The following MAP7 variants were observed in gnomAD, a reference collection of about 807,000 sequenced individuals.
MAP7 encodes the protein microtubule associated protein 7, also known as ensconsin.
A neutral mutation model predicts 94.8 loss-of-function variants in MAP7; 52 were observed. That is an observed-to-expected ratio of 0.55 (90% CI 0.44 to 0.69). The LOEUF is 0.69. Ranked by LOEUF, MAP7 falls within the 30% of genes least tolerant of loss-of-function variation. MAP7 has a pLI of 0.00. For missense variants in MAP7, 940 were observed against 964.6 expected, an observed-to-expected ratio of 0.97 and a Z score of 0.34; for synonymous variants, 350 against 357.0, an observed-to-expected ratio of 0.98 and a Z score of 0.22.
intron 1 of MAP7, among the ~76,000 whole-genome samples, chr6:136,529,385 G>T (rs1287851094): frequency 6.6e-6 from 1 of 152,062 alleles, no homozygotes; most frequent in African/African-American, 2.4e-5. Context: ...TTCTCAAAGT[G>T]CTGGGATTAA....
In MAP7 at chr6:136,366,368, T is replaced by A. The variant is rs747482627; in HGVS notation, c.948A>T (p.Pro316=). The A allele has an allele frequency of 6.2e-7, 1 of 1,614,186 alleles. No individual in the cohort carries two copies. The highest frequency in any genetic ancestry group is 8.5e-7 in the Non-Finnish European group (1 of 1,180,016). The change falls in exon 9 of 18, where the codon CCA becomes CCT. Residue 316 remains proline, a synonymous_variant. Coordinates refer to ENST00000354570, the MANE Select transcript of MAP7 (RefSeq NM_003980.6). ...CTGGTTGTCTTGCTTTGGGATTAGATGGAGATACAGCCCTTCGGGTGCCAG... is the reference window on the plus strand; with the variant it reads ...CTGGTTGTCTTGCTTTGGGATTAGAAGGAGATACAGCCCTTCGGGTGCCAG... ...LTSGTRRAVS[P]SNPKARQPAR...
At chr6:136,543,319 A>C (rs1326083983) in intron 1 of MAP7, among the ~76,000 whole-genome samples, 5 of 152,226 alleles carry the variant, frequency 3.3e-5, no homozygotes, top group Non-Finnish European at 7.3e-5. Context: ...AATCTCAAAA[A>C]CATGATGCCA....
intron 1 of MAP7, among the ~76,000 whole-genome samples, chr6:136,483,509 A>G (rs1003468612): frequency 1.1e-4 from 17 of 152,188 alleles, no homozygotes; most frequent in Non-Finnish European, 1.6e-4. Flanking sequence ...TTGATATAAA[A>G]GTATTTTACA....
chr6:136,419,087 T>G (rs1003799430), intron 2 of MAP7, among the ~76,000 whole-genome samples: 1 of 152,160 alleles, frequency 6.6e-6, no homozygotes, highest in Non-Finnish European at 1.5e-5. Context: ...TGGAAGAGAT[T>G]TTTCTGGCTT....
chr6:136,452,779 C>A (rs1016887910), intron 1 of MAP7, among the ~76,000 whole-genome samples: 3 of 152,160 alleles, frequency 2.0e-5, no homozygotes, highest in African/African-American at 7.2e-5. Context: ...TCTCGAACTG[C>A]TGACCTCAAG....
intron 7 of MAP7, among the ~76,000 whole-genome samples, chr6:136,376,903 G>C (rs1381307998): frequency 6.6e-6 from 1 of 152,156 alleles, no homozygotes; most frequent in East Asian, 1.9e-4. Flanking sequence ...GGCTTGCAAG[G>C]GCAAAGCACT....
intron 1 of MAP7, among the ~76,000 whole-genome samples, chr6:136,495,878 A>G (rs1280891484): frequency 6.6e-6 from 1 of 152,216 alleles, no homozygotes; most frequent in Non-Finnish European, 1.5e-5. Context: ...TATACATATC[A>G]AAACAAAGAA....
chr6:136,361,049 G>T lies in MAP7; in HGVS notation c.1657C>A (p.Arg553=). 2 of 1,589,592 alleles carry T rather than the reference G, an allele frequency of 1.3e-6. No homozygotes were observed. The highest frequency in any genetic ancestry group is 1.1e-5 in the South Asian group (1 of 89,806). The change falls in exon 12 of 18, where the codon CGG becomes AGG. Residue 553 remains arginine (R), a synonymous_variant. Coordinates refer to ENST00000354570, the MANE Select transcript of MAP7 (RefSeq NM_003980.6). The part of the protein sequence containing the change: ...EEQLQRQAEE[R]ALREREEAER... Reference sequence around the variant, plus strand: ...GCCTCCTCCCGCTCGCGCAGCGCCCGCTCCTCCGCCTGCCGCTGCAGCTGC... The same window carrying T: ...GCCTCCTCCCGCTCGCGCAGCGCCCTCTCCTCCGCCTGCCGCTGCAGCTGC...
At chr6:136,448,074 C>T (rs994418661) in intron 1 of MAP7, among the ~76,000 whole-genome samples, 2 of 152,098 alleles carry the variant, frequency 1.3e-5, no homozygotes, top group Admixed American at 6.6e-5. Context: ...TGCCTGTAAT[C>T]CCAGCTATTT....
rs569747297 is a variant in MAP7 at position 136,428,476 on chromosome 6, C to T, written c.68-6677G>A. Among the ~76,000 whole-genome samples the T allele has an allele frequency of 7.2e-5, 11 of 152,076 alleles. No homozygotes were observed. In the South Asian group the frequency reaches 1.7e-3, roughly 23 times the overall value. The stretch of plus-strand genomic sequence containing the variant: ...TGGAGATTGCAGTGATCCGAGATCC[C>T]GCCACTGCACTCCACCCTGGGTGAC... On this transcript the variant is annotated intron_variant, in intron 1 of 17. Transcript: ENST00000354570.
At chr6:136,479,514 C>T (rs1233787395) in intron 1 of MAP7, among the ~76,000 whole-genome samples, 1 of 152,138 alleles carries the variant, frequency 6.6e-6, no homozygotes. Flanking sequence ...CTAGAGTAAT[C>T]AGACAAGAGA....
chr6:136,385,925 C>T (rs116889371), intron 5 of MAP7, among the ~76,000 whole-genome samples: 2,192 of 152,216 alleles, frequency 0.014, 21 homozygotes, highest in Non-Finnish European at 0.02. Flanking sequence ...CATGTGCCAC[C>T]ATAGCCGGCT....
chr6:136,480,524 C>T (rs1407396080), intron 1 of MAP7, among the ~76,000 whole-genome samples: 1 of 151,432 alleles, frequency 6.6e-6, no homozygotes, highest in African/African-American at 2.4e-5. Context: ...TGCCTGTAGT[C>T]CCAGCTACTC....
intron 1 of MAP7, among the ~76,000 whole-genome samples, chr6:136,441,118 A>G (rs1455701275): frequency 6.6e-6 from 1 of 152,160 alleles, no homozygotes; most frequent in East Asian, 1.9e-4. Flanking sequence ...TTGATTCTAT[A>G]TCTTGGCTGT....
At chr6:136,542,472 A>T (rs976197472) in intron 1 of MAP7, among the ~76,000 whole-genome samples, 2 of 152,242 alleles carry the variant, frequency 1.3e-5, no homozygotes, top group Non-Finnish European at 2.9e-5. Flanking sequence ...GGAATTAATC[A>T]GGATAATAAA....
intron 4 of MAP7, among the ~76,000 whole-genome samples, chr6:136,388,849 G>A (rs888739447): frequency 3.9e-5 from 6 of 152,094 alleles, no homozygotes; most frequent in Admixed American, 1.3e-4. Flanking sequence ...TTTACCATAC[G>A]ATACCATATT....
intron 9 of MAP7, 140 bp downstream of exon 9, chr6:136,366,187 C>CT (rs1252068664): frequency 1.8e-5 from 19 of 1,031,528 alleles, no homozygotes; most frequent in Non-Finnish European, 2.7e-5. Context: ...TCCAATTTCT[C>CT]TTTTTTCTTT....
intron 1 of MAP7, among the ~76,000 whole-genome samples, chr6:136,484,613 A>G (rs1029063062): frequency 5.3e-5 from 8 of 152,226 alleles, no homozygotes; most frequent in African/African-American, 1.9e-4. Context: ...TCTGTACTTG[A>G]ATATAGATAT....
chr6:136,449,840 G>A (rs1800547980), intron 1 of MAP7, among the ~76,000 whole-genome samples: 1 of 152,226 alleles, frequency 6.6e-6, no homozygotes, highest in Admixed American at 6.5e-5. Context: ...GAAGAACACA[G>A]TTCTTGAAGG....
Sources: allele counts gnomAD v4.1 joint callset (sites outside exome capture counted in the v4.1 genomes callset), GRCh38; gene constraint gnomAD v4.1.1; transcripts MANE v1.5; gene names NCBI Gene and HGNC (gene_info 2026-07-23, HGNC 2026-07-21).